CHL1: variants seen among roughly 807,000 people sequenced by gnomAD.
The protein encoded by CHL1 is cell adhesion molecule L1 like, also known as neural cell adhesion molecule L1-like protein.
In CHL1, 96 loss-of-function variants were observed where a neutral mutation model predicts 141.9. That is an observed-to-expected ratio of 0.68 (90% CI 0.57 to 0.80). CHL1 has a LOEUF of 0.80. Ranked by LOEUF, CHL1 falls within the 30% of genes least tolerant of loss-of-function variation. CHL1 has a pLI of 0.00. For synonymous variants in CHL1, 613 were observed against 502.2 expected (o/e 1.22, Z -2.95); for missense variants, 1,820 against 1,457.2 (o/e 1.25, Z -4.05).
chr3:315,024 A>C (rs549201099), intron 2 of CHL1, among the ~76,000 whole-genome samples: 1 of 152,234 alleles, frequency 6.6e-6, no homozygotes, highest in African/African-American at 2.4e-5. Context: ...TTTATTTTGT[A>C]AGTTGTTATG....
chr3:355,431 T>G (rs1420591391), intron 11 of CHL1, among the ~76,000 whole-genome samples: 1 of 152,206 alleles, frequency 6.6e-6, no homozygotes, highest in Non-Finnish European at 1.5e-5. Flanking sequence ...TCTCCCCATT[T>G]CACCATGCTC....
intron 23 of CHL1, among the ~76,000 whole-genome samples, chr3:394,183 T>C (rs915151720): frequency 6.6e-6 from 1 of 152,240 alleles, no homozygotes; most frequent in African/African-American, 2.4e-5. Flanking sequence ...AATATATTCC[T>C]TCATTTATTG....
intron 1 of CHL1, among the ~76,000 whole-genome samples, chr3:234,670 C>G (rs1381030261): frequency 6.6e-6 from 1 of 152,032 alleles, no homozygotes; most frequent in Non-Finnish European, 1.5e-5. Flanking sequence ...AGCAAATACT[C>G]AGTCCAAAGC....
rs777852526 is a variant in CHL1, at chr3:360,406, G to T, written c.1288G>T (p.Ala430Ser). The T allele has an allele frequency of 1.9e-6, 3 of 1,613,428 alleles. No individual in the cohort carries two copies. The highest frequency in any genetic ancestry group is 2.5e-6 in the Non-Finnish European group (3 of 1,179,674). ...SNVHGTILAN[A>S]NIDVVDVRPL... ...TGTCCATGGAACTATCCTTGCCAATGCCAATATTGATGTTGTGGGTGAGTG... is the reference window on the plus strand; with the variant it reads ...TGTCCATGGAACTATCCTTGCCAATTCCAATATTGATGTTGTGGGTGAGTG... The change falls in exon 12 of 28, where the codon GCC (alanine) becomes TCC (serine). Residue 430 changes from alanine to serine, a missense_variant. Transcript: ENST00000256509.
At chr3:366,623 G>A (rs1559316903) in intron 15 of CHL1, among the ~76,000 whole-genome samples, 1 of 150,926 alleles carries the variant, frequency 6.6e-6, no homozygotes, top group African/African-American at 2.4e-5. Context: ...CATTCTATTA[G>A]TGTGTGAAAT....
intron 2 of CHL1, among the ~76,000 whole-genome samples, chr3:307,070 C>T (rs773016957): frequency 3.9e-5 from 6 of 152,008 alleles, no homozygotes; most frequent in Non-Finnish European, 2.9e-5. Context: ...GAAAGTTTAC[C>T]GCAGATAATA....
chr3:209,675 G>A (rs969927667), intron 1 of CHL1, among the ~76,000 whole-genome samples: 3 of 152,244 alleles, frequency 2.0e-5, no homozygotes, highest in South Asian at 4.1e-4. Context: ...TTAACTCGTC[G>A]TTTACATTAA....
In CHL1 at chr3:308,198, C is replaced by T. The variant is rs147932564; in HGVS notation, c.-94-11485C>T. ...AAAAGGAATTCAGAATTTTATCAAC[C>T]GTCTATATCTATGCAGATTATATTC... On this transcript the variant is annotated intron_variant, in intron 2 of 27. Coordinates refer to ENST00000256509, the MANE Select transcript of CHL1 (RefSeq NM_006614.4). Among the ~76,000 whole-genome samples the T allele has an allele frequency of 1.7e-3, 252 of 152,230 alleles. 2 individuals are homozygous for T. The highest frequency in any genetic ancestry group is 5.8e-3 in the African/African-American group (239 of 41,530).
chr3:255,268 C>T (rs381257), intron 2 of CHL1, among the ~76,000 whole-genome samples: 25,200 of 152,064 alleles, frequency 0.17, 2,342 homozygotes, highest in East Asian at 0.39. Flanking sequence ...AAGTCTCTTT[C>T]TTATTCACTG....
intron 2 of CHL1, among the ~76,000 whole-genome samples, chr3:259,150 G>A (rs182656547): frequency 3.1e-4 from 47 of 151,766 alleles, no homozygotes; most frequent in African/African-American, 5.1e-4. Context: ...TGAACTCCTG[G>A]GCTCAAGTGA....
chr3:254,623 C>T (rs1693993276), intron 2 of CHL1, among the ~76,000 whole-genome samples: 1 of 152,048 alleles, frequency 6.6e-6, no homozygotes. Context: ...AGACTGGATA[C>T]CTTGTGGATA....
At chr3:223,604 T>C (rs1701060730) in intron 1 of CHL1, among the ~76,000 whole-genome samples, 2 of 152,238 alleles carry the variant, frequency 1.3e-5, no homozygotes, top group South Asian at 2.1e-4. Flanking sequence ...AATTGTATTA[T>C]AATTGTCCAA....
At chr3:353,307 C>T (rs1396802731) in intron 10 of CHL1, among the ~76,000 whole-genome samples, 1 of 151,946 alleles carries the variant, frequency 6.6e-6, no homozygotes, top group Admixed American at 6.5e-5. Context: ...ATATTTTTCT[C>T]TAACTTACAG....
chr3:281,812 G>A (rs1385944446), intron 2 of CHL1, among the ~76,000 whole-genome samples: 15 of 151,954 alleles, frequency 9.9e-5, no homozygotes, highest in Non-Finnish European at 2.1e-4. Flanking sequence ...TGCTTGCCTT[G>A]GCCTCCCAAA....
intron 5 of CHL1, among the ~76,000 whole-genome samples, chr3:330,291 A>G (rs998978244): frequency 6.6e-6 from 1 of 152,162 alleles, no homozygotes; most frequent in Non-Finnish European, 1.5e-5. Context: ...AAGTGATGAC[A>G]GTGAAAACTC....
intron 2 of CHL1, chr3:282,613 AT>A (rs1489315729): frequency 7.2e-5 from 11 of 152,190 alleles, no homozygotes; most frequent in African/African-American, 2.4e-4. Flanking sequence ...TTTGCTGTGT[AT>A]AGAATTCTTG....
chr3:332,202 C>G (rs1460710615), intron 5 of CHL1, among the ~76,000 whole-genome samples: 2 of 152,088 alleles, frequency 1.3e-5, no homozygotes, highest in Non-Finnish European at 2.9e-5. Flanking sequence ...GCATTGTGCT[C>G]TATTCATACC....
chr3:374,384 T>G (rs1706033762), intron 15 of CHL1, among the ~76,000 whole-genome samples: 1 of 152,142 alleles, frequency 6.6e-6, no homozygotes, highest in Admixed American at 6.5e-5. Flanking sequence ...ATGCCTAAAT[T>G]CTGCCTCTTT....
At chr3:252,616 A>T (rs558542520) in intron 2 of CHL1, among the ~76,000 whole-genome samples, 30 of 151,776 alleles carry the variant, frequency 2.0e-4, no homozygotes, top group African/African-American at 7.0e-4. Context: ...ATTAGATCTC[A>T]TATCTCATAT....
Sources: allele counts gnomAD v4.1 joint callset (sites outside exome capture counted in the v4.1 genomes callset), GRCh38; gene constraint gnomAD v4.1.1; transcripts MANE v1.5; gene names NCBI Gene and HGNC (gene_info 2026-07-23, HGNC 2026-07-21).